ANKRD18A: variants seen among roughly 807,000 people sequenced by gnomAD.
The protein encoded by ANKRD18A is ankyrin repeat domain-containing protein 18A.
A neutral mutation model predicts 110.6 loss-of-function variants in ANKRD18A; 72 were observed. The ratio of observed to expected loss-of-function variants is 0.65; its 90% CI spans 0.54 to 0.79. The LOEUF (loss-of-function observed/expected upper bound fraction) is 0.79. ANKRD18A is among the 30% of genes least tolerant of loss of function. The probability of loss-of-function intolerance (pLI) is 0.00; values close to 1 mark genes in which losing one functional copy is unlikely to be tolerated. For synonymous variants in ANKRD18A, 305 were observed against 410.3 expected (o/e 0.74, Z 3.10); for missense variants, 934 against 1,163.3 (o/e 0.80, Z 2.87).
At position 38,601,111 on chromosome 9, in the gene ANKRD18A, A is replaced by T. The variant is rs765531048; in HGVS notation, c.936+20T>A. ...AACAAACAAACCAGTATTAAACCAG[A>T]AATTTAAATTGTTACATACCTGTGG... On this transcript the variant is annotated intron_variant, in intron 8 of 15. Coordinates refer to ENST00000399703, the MANE Select transcript of ANKRD18A (RefSeq NM_147195.4). 33 of 1,546,456 alleles carry T rather than the reference A, an allele frequency of 2.1e-5. No homozygotes were observed. The highest frequency in any genetic ancestry group is 2.9e-5 in the Non-Finnish European group (33 of 1,143,498).
At position 38,586,247 on chromosome 9, in the gene ANKRD18A, C is replaced by T. The variant is rs1177313904; in HGVS notation, c.2183G>A (p.Cys728Tyr). ...TTGGTCTGTATTTAAGTCTCCATGG[C>T]AACTGAAGTCCTCATTTGCAAATGC... is the stretch of plus-strand genomic sequence containing the variant. ...LNAFANEDFS[C>Y]HGDLNTDQLK... The change falls in exon 12 of 16, where the codon TGC becomes TAC. Residue 728 changes from cysteine (C) to tyrosine (Y), a missense_variant. Physicochemically the swap from Cys to Tyr is radical, Grantham distance 194. Coordinates refer to ENST00000399703, the MANE Select transcript of ANKRD18A (RefSeq NM_147195.4). 1.2e-6 allele frequency: 2 copies of T among 1,610,086 alleles called. No homozygotes were observed. Among genetic ancestry groups the T allele is most frequent in the Non-Finnish European group, 1.7e-6 (2 of 1,177,994 alleles).
rs377640539 is a variant in ANKRD18A, at chr9:38,594,605, T to A, written c.1855-696A>T. ...TGATTTTATAACAAGTAGAAGTCTT[T>A]AAAATACTAAGTGGTCAGAAAAATA... is the stretch of plus-strand genomic sequence containing the variant. On this transcript the variant is annotated intron_variant, in intron 9 of 15. Transcript: ENST00000399703. Among the ~76,000 whole-genome samples the A allele has an allele frequency of 3.3e-5, 5 of 152,282 alleles. No homozygotes were observed. The East Asian group carries it at 9.7e-4, about 29-fold the overall frequency.
At chr9:38,611,863 T>C (rs9407069) in intron 3 of ANKRD18A, among the ~76,000 whole-genome samples, 1,674 of 152,348 alleles carry the variant, frequency 0.011, 31 homozygotes, top group African/African-American at 0.038. Flanking sequence ...CTATATTACA[T>C]GGCCAACAAT....
intron 9 of ANKRD18A, 44 bp from the exon 10 acceptor site, chr9:38,593,953 A>G: frequency 7.0e-7 from 1 of 1,427,276 alleles, no homozygotes; most frequent in Non-Finnish European, 9.2e-7. Context: ...GTGGCTTATT[A>G]TTAAATTATG....
At chr9:38,589,455 T>C (rs1362540447) in intron 10 of ANKRD18A, among the ~76,000 whole-genome samples, 4 of 152,272 alleles carry the variant, frequency 2.6e-5, no homozygotes, top group Admixed American at 6.5e-5. Flanking sequence ...CCTGTCACAA[T>C]TTAATTAATT....
chr9:38,601,998 A>G (rs899915427), intron 7 of ANKRD18A, among the ~76,000 whole-genome samples: 3 of 151,368 alleles, frequency 2.0e-5, no homozygotes, highest in Non-Finnish European at 4.4e-5. Context: ...ACAGAAAAAA[A>G]AAAAAAAAAA....
intron 11 of ANKRD18A, among the ~76,000 whole-genome samples, chr9:38,588,070 A>G (rs1587501685): frequency 6.6e-6 from 1 of 152,384 alleles, no homozygotes; most frequent in East Asian, 1.9e-4. Flanking sequence ...CCTGGGTGAC[A>G]GAGCCAGACT....
downstream of ANKRD18A, chr9:38,567,064 C>T (rs941133254): frequency 1.3e-5 from 2 of 152,202 alleles, no homozygotes; most frequent in Middle Eastern, 3.2e-3. Context: ...TTCTTTGAGA[C>T]TCTTCACAGG....
At chr9:38,613,875 T>C (rs1050593523) in intron 3 of ANKRD18A, among the ~76,000 whole-genome samples, 1 of 152,186 alleles carries the variant, frequency 6.6e-6, no homozygotes, top group East Asian at 1.9e-4. Context: ...CAAAGGAACA[T>C]GAAATTGTGA....
chr9:38,595,140 T>G (rs1824814934), intron 9 of ANKRD18A, among the ~76,000 whole-genome samples: 1 of 152,162 alleles, frequency 6.6e-6, no homozygotes, highest in Admixed American at 6.6e-5. Flanking sequence ...GAAATATGAT[T>G]TATAGAATTT....
chr9:38,606,562 C>T (rs1484756380), intron 6 of ANKRD18A, among the ~76,000 whole-genome samples: 3 of 152,106 alleles, frequency 2.0e-5, no homozygotes, highest in East Asian at 1.9e-4. Context: ...CATACAAATA[C>T]GTGTTCACTG....
chr9:38,587,490 A>T (rs1432164706), intron 11 of ANKRD18A, among the ~76,000 whole-genome samples: 3 of 152,196 alleles, frequency 2.0e-5, no homozygotes, highest in Admixed American at 1.3e-4. Context: ...AAGTTTAATA[A>T]GATGTATACT....
Position 38,607,338 on chromosome 9 carries a change from T to C in ANKRD18A, c.808+88A>G. The C allele has an allele frequency of 1.4e-5, 16 of 1,112,926 alleles. No homozygotes were observed. In the South Asian group the frequency reaches 2.2e-4, roughly 16 times the overall value. 68.9% of individuals were successfully genotyped at this position (1,112,926 alleles called of 1,614,324 possible). Reference sequence around the variant, plus strand: ...TCCCAAAGTGCTGGGATTACAGGTGTGAGCCACCATGCCTGGCCTGTAATT... The same window carrying C: ...TCCCAAAGTGCTGGGATTACAGGTGCGAGCCACCATGCCTGGCCTGTAATT... On this transcript the variant is annotated intron_variant, in intron 6 of 15. Coordinates refer to ENST00000399703, the MANE Select transcript of ANKRD18A (RefSeq NM_147195.4).
At chr9:38,586,058 T>C (rs1429820397) in intron 12 of ANKRD18A, 125 bp downstream of exon 12, 17 of 1,069,606 alleles carry the variant, frequency 1.6e-5, no homozygotes, top group African/African-American at 3.3e-5. Context: ...CGGGGCTTAA[T>C]ACCTAGGTGA....
chr9:38,611,146 T>C (rs632038), intron 4 of ANKRD18A, 69 bp downstream of exon 4: 1 of 1,474,592 alleles, frequency 6.8e-7, no homozygotes, highest in East Asian at 2.5e-5. Flanking sequence ...CTGACTTGAG[T>C]GACTGTTACC....
chr9:38,598,966 A>G (rs1005865309), intron 8 of ANKRD18A, among the ~76,000 whole-genome samples: 2 of 152,110 alleles, frequency 1.3e-5, no homozygotes, highest in African/African-American at 2.4e-5. Context: ...CTAATTTCCA[A>G]TCTGTGGTAT....
intron 10 of ANKRD18A, among the ~76,000 whole-genome samples, chr9:38,590,438 G>C (rs1268465840): frequency 1.3e-5 from 2 of 152,002 alleles, no homozygotes; most frequent in African/African-American, 4.8e-5. Context: ...TTTTAGTAGA[G>C]ACAGGGTTTC....
chr9:38,570,057 T>C (rs1252507259), downstream of ANKRD18A, among the ~76,000 whole-genome samples: 3 of 152,096 alleles, frequency 2.0e-5, no homozygotes, highest in Non-Finnish European at 4.4e-5. Context: ...AGGTCACACA[T>C]CGGCTAACTG....
At chr9:38,581,916 G>C (rs1162333954) in intron 12 of ANKRD18A, among the ~76,000 whole-genome samples, 1 of 152,184 alleles carries the variant, frequency 6.6e-6, no homozygotes, top group Non-Finnish European at 1.5e-5. Flanking sequence ...AGAAAGCAGA[G>C]CTGTGCATCT....
Sources: gnomAD v4.1 joint callset for allele counts (sites outside exome capture counted in the v4.1 genomes callset) on GRCh38, gnomAD v4.1.1 for gene constraint, MANE v1.5 for transcripts, NCBI Gene and HGNC (gene_info 2026-07-23, HGNC 2026-07-21) for gene names.